CRIM1: variants seen among roughly 807,000 people sequenced by gnomAD.
The protein encoded by CRIM1 is cysteine-rich motor neuron 1 protein.
CRIM1 carries 32 observed loss-of-function variants against 116.4 expected under a neutral mutation model. The ratio of observed to expected loss-of-function variants is 0.27; its 90% CI spans 0.21 to 0.37. The LOEUF (loss-of-function observed/expected upper bound fraction) is 0.37, where lower values mean the gene tolerates loss of function less well. Ranked by LOEUF, CRIM1 falls within the 10% of genes least tolerant of loss-of-function variation. The pLI is 1.00. For synonymous variants in CRIM1, 590 were observed against 509.2 expected (o/e 1.16, Z -2.13); for missense variants, 1,331 against 1,354.8 (o/e 0.98, Z 0.28).
intron 4 of CRIM1, among the ~76,000 whole-genome samples, chr2:36,456,285 T>G (rs3755206): frequency 0.026 from 4,035 of 152,312 alleles, 167 homozygotes; most frequent in East Asian, 0.16. Context: ...GCTTAGTACC[T>G]GCTGCATGTA....
chr2:36,424,424 A>G (rs1374908349), intron 2 of CRIM1, among the ~76,000 whole-genome samples: 1 of 152,152 alleles, frequency 6.6e-6, no homozygotes, highest in Non-Finnish European at 1.5e-5. Flanking sequence ...GTTGGGTGGT[A>G]GGTGGTAGCA....
At position 36,477,043 on chromosome 2, in the gene CRIM1, C is replaced by G. The variant is rs759007215; in HGVS notation, c.1146C>G (p.Pro382=). Reference sequence around the variant, plus strand: ...TAAACTGCGAGAGGTACTACGTGCCCGAAGGAGAGTGCTGCCCAGTGTGTG... The same window carrying G: ...TAAACTGCGAGAGGTACTACGTGCCGGAAGGAGAGTGCTGCCCAGTGTGTG... The part of the protein sequence containing the change: ...GEINCERYYV[P]EGECCPVCED... The change falls in exon 6 of 17, where the codon CCC becomes CCG. Residue 382 remains proline, a synonymous_variant. Transcript: ENST00000280527. 7 of 1,613,248 alleles carry G rather than the reference C, an allele frequency of 4.3e-6. No homozygotes were observed. Among genetic ancestry groups the G allele is most frequent in the Non-Finnish European group, 2.5e-6 (3 of 1,179,724 alleles).
chr2:36,519,485 A>G (rs1572915224), intron 12 of CRIM1, among the ~76,000 whole-genome samples: 1 of 152,240 alleles, frequency 6.6e-6, no homozygotes, highest in South Asian at 2.1e-4. Context: ...ACAAAAAAAT[A>G]AAAAGCCTTA....
intron 11 of CRIM1, among the ~76,000 whole-genome samples, chr2:36,516,409 T>G (rs1665034570): frequency 6.6e-6 from 1 of 152,182 alleles, no homozygotes; most frequent in Admixed American, 6.5e-5. Context: ...GGTTAATGTC[T>G]TCATACTTCT....
At chr2:36,372,493 A>C (rs1670009095) in intron 1 of CRIM1, among the ~76,000 whole-genome samples, 3 of 152,186 alleles carry the variant, frequency 2.0e-5, no homozygotes, top group African/African-American at 7.2e-5. Context: ...AGCAAATTAA[A>C]ACCTTGATAC....
At chr2:36,381,734 C>T (rs1670791181) in intron 1 of CRIM1, among the ~76,000 whole-genome samples, 1 of 152,154 alleles carries the variant, frequency 6.6e-6, no homozygotes, top group Admixed American at 6.5e-5. Flanking sequence ...TTGCAGTGAG[C>T]CGAGATTACG....
intron 1 of CRIM1, among the ~76,000 whole-genome samples, chr2:36,358,244 G>C (rs1184898366): frequency 6.6e-6 from 1 of 152,120 alleles, no homozygotes; most frequent in Non-Finnish European, 1.5e-5. Flanking sequence ...ATTAACTTCT[G>C]ATACCATTGT....
intron 1 of CRIM1, among the ~76,000 whole-genome samples, chr2:36,384,452 G>A (rs1558523125): frequency 6.6e-6 from 1 of 152,224 alleles, no homozygotes; most frequent in African/African-American, 2.4e-5. Flanking sequence ...GTGAGTTGGA[G>A]CTGAGTGTCT....
intron 1 of CRIM1, among the ~76,000 whole-genome samples, chr2:36,365,213 G>A (rs1669510067): frequency 6.6e-6 from 1 of 152,176 alleles, no homozygotes; most frequent in African/African-American, 2.4e-5. Context: ...GTGAACACTT[G>A]CTTGATTTTG....
intron 7 of CRIM1, 126 bp downstream of exon 7, chr2:36,479,820 C>T: frequency 1.1e-6 from 1 of 884,414 alleles, no homozygotes; most frequent in Non-Finnish European, 1.8e-6. Context: ...TACCAGTTGC[C>T]AACAAATTTA....
Position 36,530,525 on chromosome 2 carries a change from T to C in CRIM1, c.2429-6827T>C, listed in dbSNP as rs114053197. Among the ~76,000 whole-genome samples the C allele has an allele frequency of 8.7e-3, 1,321 of 152,316 alleles. 19 individuals carry two copies. Among genetic ancestry groups the C allele is most frequent in the African/African-American group, 0.031 (1,270 of 41,566 alleles). On this transcript the variant is annotated intron_variant, in intron 13 of 16. Coordinates refer to ENST00000280527, the MANE Select transcript of CRIM1 (RefSeq NM_016441.3). ...ACATGACAAGCCAGGGATTTCAGTG[T>C]CTTGTTAGAAAGTGAAATGAAAGTG...
intron 1 of CRIM1, among the ~76,000 whole-genome samples, chr2:36,366,113 A>G (rs1669588327): frequency 6.6e-6 from 1 of 152,252 alleles, no homozygotes; most frequent in Admixed American, 6.5e-5. Flanking sequence ...CTGATAATTC[A>G]TAAGGCAGAT....
At chr2:36,516,143 A>G (rs1484732083) in intron 11 of CRIM1, among the ~76,000 whole-genome samples, 4 of 152,194 alleles carry the variant, frequency 2.6e-5, no homozygotes, top group African/African-American at 9.7e-5. Flanking sequence ...TTAACTGGAA[A>G]TCAGCCCACA....
chr2:36,370,771 G>A (rs902501921), intron 1 of CRIM1, among the ~76,000 whole-genome samples: 39 of 152,100 alleles, frequency 2.6e-4, no homozygotes, highest in African/African-American at 9.2e-4. Flanking sequence ...TAGTTAAGAA[G>A]GAACAGTGAA....
chr2:36,432,149 T>C (rs1674943188), intron 2 of CRIM1, among the ~76,000 whole-genome samples: 1 of 152,232 alleles, frequency 6.6e-6, no homozygotes, highest in African/African-American at 2.4e-5. Context: ...CATTCTCTAA[T>C]AATTTTGATT....
In CRIM1 at chr2:36,372,419, C is replaced by G. The variant is rs535575986; in HGVS notation, c.331+15796C>G. Among the ~76,000 whole-genome samples, 10 of 152,124 alleles carry G rather than the reference C, an allele frequency of 6.6e-5. No individual in the cohort carries two copies. The South Asian group carries it at 1.0e-3, about 16-fold the overall frequency. ...AGTTATAAGTTCTTTGTTTGTTTTT[C>G]TAAAGGTTTTAAGGAGGTTTACAAA... On this transcript the variant is annotated intron_variant, in intron 1 of 16. Transcript: ENST00000280527.
intron 2 of CRIM1, among the ~76,000 whole-genome samples, chr2:36,421,271 G>C (rs1489651758): frequency 1.3e-5 from 2 of 152,044 alleles, no homozygotes; most frequent in Non-Finnish European, 2.9e-5. Flanking sequence ...TCCTTTTTGG[G>C]GGAGAAATTG....
chr2:36,460,794 G>C (rs959103138), intron 4 of CRIM1, among the ~76,000 whole-genome samples: 2 of 152,216 alleles, frequency 1.3e-5, no homozygotes, highest in Non-Finnish European at 2.9e-5. Context: ...ATGTTAAGGT[G>C]AGTCCTCAAG....
At position 36,442,809 on chromosome 2, in the gene CRIM1, G is replaced by T. The variant is rs145450982; in HGVS notation, c.869+74G>T. On this transcript the variant is annotated intron_variant, in intron 4 of 16. Transcript: ENST00000280527. The stretch of plus-strand genomic sequence containing the variant: ...ATCTAAGGTACATTTTGAGCATGCA[G>T]TTTGTTTTCCCATGAGAAACCTAGT... 558 of 1,573,612 alleles carry T rather than the reference G, an allele frequency of 3.5e-4. 5 individuals are homozygous for T. The African/African-American group carries it at 6.9e-3, about 19-fold the overall frequency.
Sources: allele counts gnomAD v4.1 joint callset (sites outside exome capture counted in the v4.1 genomes callset), GRCh38; gene constraint gnomAD v4.1.1; transcripts MANE v1.5; gene names NCBI Gene and HGNC (gene_info 2026-07-23, HGNC 2026-07-21).